HORMAD2: variants seen among roughly 807,000 people sequenced by gnomAD.
The protein encoded by HORMAD2 is HORMA domain containing 2.
HORMAD2 carries 45 observed loss-of-function variants against 38.8 expected under a neutral mutation model. The ratio of observed to expected loss-of-function variants is 1.16; its 90% CI spans 0.91 to 1.49. The LOEUF (loss-of-function observed/expected upper bound fraction) is 1.49. HORMAD2 is among the 40% of genes most tolerant of loss of function. The pLI is 0.00. For synonymous variants in HORMAD2, 126 were observed against 122.8 expected, an observed-to-expected ratio of 1.03 and a Z score of -0.17; for missense variants, 338 against 367.0, an observed-to-expected ratio of 0.92 and a Z score of 0.65.
At chr22:30,144,740 T>C (rs545496257) in intron 10 of HORMAD2, among the ~76,000 whole-genome samples, 108 of 147,956 alleles carry the variant, frequency 7.3e-4, no homozygotes, top group African/African-American at 2.4e-3. Context: ...GGTGGTACAG[T>C]ACCCTAGGCA....
At chr22:30,131,757 G>C (rs1228451535) in intron 10 of HORMAD2, among the ~76,000 whole-genome samples, 1 of 151,960 alleles carries the variant, frequency 6.6e-6, no homozygotes, top group Non-Finnish European at 1.5e-5. Flanking sequence ...CTGGATTTCT[G>C]CATCTTATTT....
the HORMAD2 span, among the ~76,000 whole-genome samples, chr22:30,202,961 G>A: frequency 8.2e-3 from 1,252 of 152,318 alleles, 9 homozygotes; most frequent in Non-Finnish European, 0.012. Flanking sequence ...TGGGCCCAGG[G>A]CACGGTCTGG....
chr22:30,088,831 G>T (rs1381147622), intron 1 of HORMAD2, among the ~76,000 whole-genome samples: 1 of 151,842 alleles, frequency 6.6e-6, no homozygotes, highest in Non-Finnish European at 1.5e-5. Flanking sequence ...CCCCAGTAGT[G>T]GGTAGTGTAT....
At chr22:30,081,859 A>G (rs1048457722) in intron 1 of HORMAD2, among the ~76,000 whole-genome samples, 2 of 152,084 alleles carry the variant, frequency 1.3e-5, no homozygotes, top group Admixed American at 6.5e-5. Context: ...TGCTGGGATT[A>G]CAGGTGTGAG....
chr22:30,124,929 C>G (rs1922727423), intron 10 of HORMAD2, among the ~76,000 whole-genome samples: 1 of 152,110 alleles, frequency 6.6e-6, no homozygotes, highest in Admixed American at 6.5e-5. Flanking sequence ...CACTTATTGT[C>G]AGGGTTTATG....
chr22:30,193,859 CTGGGGCCCTTAAGAGGTGGG>C, the HORMAD2 span, among the ~76,000 whole-genome samples: 1 of 152,168 alleles, frequency 6.6e-6, no homozygotes, highest in Non-Finnish European at 1.5e-5. Flanking sequence ...TCTGTGACAG[CTGGGGCCCTTAAGAGGTGGG>C]TGAACCCCCC....
At chr22:30,081,362 A>G (rs2068470667) in intron 1 of HORMAD2, 1 of 152,214 alleles carries the variant, frequency 6.6e-6, no homozygotes, top group South Asian at 2.1e-4. Context: ...TAGCATGAAA[A>G]AGATATTAAA....
intron 10 of HORMAD2, among the ~76,000 whole-genome samples, chr22:30,171,319 G>A (rs1926096668): frequency 6.6e-6 from 1 of 152,146 alleles, no homozygotes; most frequent in Non-Finnish European, 1.5e-5. Context: ...CGAAGGTTTT[G>A]TAGGCACTCC....
the HORMAD2 span, among the ~76,000 whole-genome samples, chr22:30,193,734 G>A: frequency 2.0e-5 from 3 of 152,210 alleles, no homozygotes; most frequent in Non-Finnish European, 4.4e-5. Context: ...TCCTTCCATA[G>A]CGATAGGGCT....
the HORMAD2 span, among the ~76,000 whole-genome samples, chr22:30,183,932 C>T: frequency 2.0e-5 from 3 of 152,188 alleles, no homozygotes; most frequent in Non-Finnish European, 4.4e-5. Context: ...ATGTGCACAA[C>T]CCCATGATGT....
intron 1 of HORMAD2, among the ~76,000 whole-genome samples, chr22:30,082,610 C>A (rs897310160): frequency 1.3e-5 from 2 of 151,784 alleles, no homozygotes; most frequent in East Asian, 3.9e-4. Context: ...TCCACCCGCC[C>A]GCCCAACTCT....
chr22:30,162,252 G>T (rs1357440610), intron 10 of HORMAD2, among the ~76,000 whole-genome samples: 2 of 152,020 alleles, frequency 1.3e-5, no homozygotes, highest in Non-Finnish European at 2.9e-5. Flanking sequence ...GGTCAAGGTT[G>T]CAGTAAGCCA....
At chr22:30,196,139 C>T in the HORMAD2 span, among the ~76,000 whole-genome samples, 1 of 152,224 alleles carries the variant, frequency 6.6e-6, no homozygotes, top group Non-Finnish European at 1.5e-5. Context: ...TCCAAAGGCA[C>T]TTCAACTTGA....
chr22:30,170,517 A>G (rs1001945360), intron 10 of HORMAD2, among the ~76,000 whole-genome samples: 1 of 152,200 alleles, frequency 6.6e-6, no homozygotes, highest in Admixed American at 6.5e-5. Context: ...GGGAATTTAC[A>G]TTTTTAACAG....
At chr22:30,169,897 T>C (rs1039580919) in intron 10 of HORMAD2, among the ~76,000 whole-genome samples, 1 of 152,186 alleles carries the variant, frequency 6.6e-6, no homozygotes, top group Admixed American at 6.5e-5. Flanking sequence ...AGCTTACAGC[T>C]CCACTGGTGT....
chr22:30,109,896 AG>A (rs1413452971), intron 5 of HORMAD2, among the ~76,000 whole-genome samples: 3 of 152,248 alleles, frequency 2.0e-5, no homozygotes, highest in African/African-American at 7.2e-5. Flanking sequence ...TAACTTTTTA[AG>A]GGTAGGGATA....
At chr22:30,091,407 A>C (rs1601504121) in intron 1 of HORMAD2, among the ~76,000 whole-genome samples, 1 of 151,574 alleles carries the variant, frequency 6.6e-6, no homozygotes, top group East Asian at 1.9e-4. Flanking sequence ...CTGGGACTAT[A>C]GGTGCGTGCC....
At chr22:30,181,720 C>T (rs899125343), downstream of HORMAD2, among the ~76,000 whole-genome samples, 1 of 152,154 alleles carries the variant, frequency 6.6e-6, no homozygotes, top group Admixed American at 6.5e-5. Context: ...GAACATAGAC[C>T]CAATGGGAGG....
intron 1 of HORMAD2, among the ~76,000 whole-genome samples, chr22:30,093,133 G>T (rs920936312): frequency 6.6e-6 from 1 of 152,120 alleles, no homozygotes; most frequent in Admixed American, 6.6e-5. Flanking sequence ...AATACGGGAT[G>T]CCTTTCCATC....
Sources: allele counts gnomAD v4.1 joint callset (sites outside exome capture counted in the v4.1 genomes callset), GRCh38; gene constraint gnomAD v4.1.1; transcripts MANE v1.5; gene names NCBI Gene and HGNC (gene_info 2026-07-23, HGNC 2026-07-21).